The following MAPK15 variants were observed in gnomAD, a reference collection of about 807,000 sequenced individuals.
MAPK15 encodes the protein mitogen-activated protein kinase 15.
Under a neutral mutation model 60.8 loss-of-function variants are expected in MAPK15, and 61 were observed. That is an observed-to-expected ratio of 1.00 (90% CI 0.82 to 1.24). The LOEUF is 1.24. MAPK15 is among the 50% of genes most tolerant of loss of function. The probability of loss-of-function intolerance (pLI) is 0.00; values close to 1 mark genes in which losing one functional copy is unlikely to be tolerated. For missense variants in MAPK15, 808 were observed against 741.1 expected (o/e 1.09, Z -1.05); for synonymous variants, 356 against 319.9 (o/e 1.11, Z -1.21).
chr8:143,716,476 G>C, intron 1 of MAPK15, 33 bp downstream of exon 1: 1 of 1,587,550 alleles, frequency 6.3e-7, no homozygotes, highest in Non-Finnish European at 8.6e-7. Flanking sequence ...GCGCGCCGAG[G>C]GGCGCGGCAG....
At position 143,721,272 on chromosome 8, in the gene MAPK15, GAA is replaced by G. The variant is rs781876029; in HGVS notation, c.1066_1067del (p.Lys356GlyfsTer24). 1 of 1,613,306 alleles carries G rather than the reference GAA, an allele frequency of 6.2e-7. No individual in the cohort carries two copies. The highest frequency in any genetic ancestry group is 8.5e-7 in the Non-Finnish European group (1 of 1,179,830). ...CGGSSGTSRE[K>X]GPEGVSPSQA... is the part of the protein sequence containing the mutation. ...GAGGCAGCAGCGGCACCTCGAGAGAGAAGGGCCCGGAGGGTGTCTCCCCAAGC... is the reference window on the plus strand; with the variant it reads ...GAGGCAGCAGCGGCACCTCGAGAGAGGGGCCCGGAGGGTGTCTCCCCAAGC... On this transcript the variant is annotated frameshift_variant, in exon 11 of 14. Coordinates refer to ENST00000338033, the MANE Select transcript of MAPK15 (RefSeq NM_139021.3). LOFTEE classifies it high-confidence loss of function.
chr8:143,717,878 C>T (rs1554618711), intron 2 of MAPK15, 86 bp downstream of exon 2: 1 of 1,508,540 alleles, frequency 6.6e-7, no homozygotes, highest in African/African-American at 1.4e-5. Context: ...CAGGTGGGAG[C>T]TGGAGCCCAG....
chr8:143,718,706 CT>C (rs1554618954), intron 4 of MAPK15, 68 bp from the exon 5 acceptor site: 1 of 1,285,200 alleles, frequency 7.8e-7, no homozygotes, highest in Admixed American at 2.2e-5. Flanking sequence ...CCAGGTGCCC[CT>C]CTCCCACTCC....
chr8:143,721,335 G>A lies in MAPK15; in HGVS notation c.1128G>A (p.Gln376=). The A allele has an allele frequency of 1.2e-6, 2 of 1,613,666 alleles. No individual in the cohort carries two copies. Among genetic ancestry groups the A allele is most frequent in the South Asian group, 2.2e-5 (2 of 91,082 alleles). Residue 376 remains glutamine (Q), a synonymous_variant, in exon 11 of 14, where the codon CAG becomes CAA. Coordinates refer to ENST00000338033, the MANE Select transcript of MAPK15 (RefSeq NM_139021.3). The part of the protein sequence containing the change: ...AHLHKPRADP[Q]LPSRTPVQGP... Reference sequence around the variant, plus strand: ...TGCACAAACCCAGAGCCGACCCTCAGCTGCCTTCTAGGACACCTGTGCAGG... The same window carrying A: ...TGCACAAACCCAGAGCCGACCCTCAACTGCCTTCTAGGACACCTGTGCAGG...
chr8:143,719,691 C>T (rs1432529474), intron 7 of MAPK15, among the ~76,000 whole-genome samples: 3 of 152,092 alleles, frequency 2.0e-5, no homozygotes, highest in Non-Finnish European at 2.9e-5. Context: ...CAAGGCAGCA[C>T]CTGGCACAGT....
In MAPK15 at chr8:143,722,221, C is replaced by A. The variant is rs1554620218; in HGVS notation, c.1605C>A (p.His535Gln). 1.3e-6 allele frequency: 2 copies of A among 1,597,968 alleles called. No individual in the cohort carries two copies. Among genetic ancestry groups the A allele is most frequent in the South Asian group, 1.1e-5 (1 of 89,716 alleles). The part of the protein sequence containing the change: ...YGTVCHSALG[H>Q]LPLLEGHHV ...CTGTCTGCCACTCGGCACTGGGCCA[C>A]CTGCCCCTGCTGGAGGGGCACCATG... The change falls in exon 14 of 14, where the codon CAC becomes CAA. Residue 535 changes from histidine (H) to glutamine (Q), a missense_variant. Physicochemically the swap from His to Gln is conservative, Grantham distance 24. Coordinates refer to ENST00000338033, the MANE Select transcript of MAPK15 (RefSeq NM_139021.3).
intron 4 of MAPK15, 83 bp from the exon 5 acceptor site, chr8:143,718,692 C>T (rs1268704616): frequency 2.3e-6 from 3 of 1,296,406 alleles, no homozygotes; most frequent in African/African-American, 1.5e-5. Flanking sequence ...GTGGGACAGA[C>T]CTGCCAGGTG....
rs782526771 is a variant in MAPK15 at position 143,719,469 on chromosome 8, G to A, written c.708G>A (p.Pro236=). Residue 236 remains proline (P), a synonymous_variant, in exon 7 of 14, where the codon CCG becomes CCA. Coordinates refer to ENST00000338033, the MANE Select transcript of MAPK15 (RefSeq NM_139021.3). ...AGCTGATCCTGGAGACCATCCCACC[G>A]CCATCTGAGGAGGGTGAGCCAGGCT... ...QLELILETIP[P]PSEEDLLALG... is the part of the protein sequence containing the mutation. The A allele has an allele frequency of 2.9e-5, 46 of 1,607,366 alleles. No individual in the cohort carries two copies. In the Middle Eastern group the frequency reaches 9.5e-4, roughly 33 times the overall value.
rs782745530 is a variant in MAPK15 at position 143,718,790 on chromosome 8, C to T, written c.302C>T (p.Ala101Val). ...VFEFMDTDLN[A>V]VIRKGGLLQD... Reference sequence around the variant, plus strand: ...CTCTCTGCAGACACTGACCTGAACGCAGTCATCCGGAAGGGCGGCCTGCTG... The same window carrying T: ...CTCTCTGCAGACACTGACCTGAACGTAGTCATCCGGAAGGGCGGCCTGCTG... The change falls in exon 5 of 14, where the codon GCA becomes GTA. Residue 101 changes from alanine to valine, a missense_variant. Transcript: ENST00000338033. 2 of 1,606,572 alleles carry T rather than the reference C, an allele frequency of 1.2e-6. No individual in the cohort carries two copies. The highest frequency in any genetic ancestry group is 3.4e-5 in the Admixed American group (2 of 59,532).
rs1554618832 is a variant in MAPK15, at chr8:143,718,308, T to G, written c.286+6T>G. On this transcript the variant is annotated splice_donor_region_variant and intron_variant, in intron 4 of 13. Coordinates refer to ENST00000338033, the MANE Select transcript of MAPK15 (RefSeq NM_139021.3). ...CCTGGTGTTTGAGTTTATGGGTGAG[T>G]GAGGCCCCGGCCAGCGCCCCAGCCC... is the stretch of plus-strand genomic sequence containing the variant. The G allele has an allele frequency of 2.5e-6, 4 of 1,613,440 alleles. No homozygotes were observed. The highest frequency in any genetic ancestry group is 4.5e-5 in the East Asian group (2 of 44,874).
At chr8:143,717,609 AG>A in intron 1 of MAPK15, 84 bp from the exon 2 acceptor site, 1 of 1,177,636 alleles carries the variant, frequency 8.5e-7, no homozygotes, top group Non-Finnish European at 1.2e-6. Flanking sequence ...GATGGGAAGG[AG>A]GAGCCTCATG....
Position 143,717,187 on chromosome 8 carries a change from C to A in MAPK15, c.67-507C>A, listed in dbSNP as rs1206899425. ...GCTGGTGTCACTTTACAAGGCCCACCCCTGTGCTGAGGACCTACCGTGGGT... is the reference window on the plus strand; with the variant it reads ...GCTGGTGTCACTTTACAAGGCCCACACCTGTGCTGAGGACCTACCGTGGGT... On this transcript the variant is annotated intron_variant, in intron 1 of 13. Coordinates refer to ENST00000338033, the MANE Select transcript of MAPK15 (RefSeq NM_139021.3). Among the ~76,000 whole-genome samples, 3 of 151,946 alleles carry A rather than the reference C, an allele frequency of 2.0e-5. No individual in the cohort carries two copies. The East Asian group carries it at 5.8e-4, about 29-fold the overall frequency.
chr8:143,721,069 GCTCT>G lies in MAPK15; in HGVS notation c.990_993del (p.Ser331CysfsTer11). 2 of 1,612,078 alleles carry G rather than the reference GCTCT, an allele frequency of 1.2e-6. No individual in the cohort carries two copies. ...GGCCCCGGGCACACGAAGGGGTCCA[GCTCT>G]CTGTGCCTGAGTACCGCAGCCGCGT... On this transcript the variant is annotated frameshift_variant, in exon 10 of 14. Coordinates refer to ENST00000338033, the MANE Select transcript of MAPK15 (RefSeq NM_139021.3). LOFTEE classifies it high-confidence loss of function.
chr8:143,720,143 G>A lies in MAPK15; in HGVS notation c.722-87G>A. Reference sequence around the variant, plus strand: ...CCTGTAGAGAGGCTGTGCTCCCTGGGGCTGGAAGAGATGACTGGCCCCAGA... The same window carrying A: ...CCTGTAGAGAGGCTGTGCTCCCTGGAGCTGGAAGAGATGACTGGCCCCAGA... On this transcript the variant is annotated intron_variant, in intron 7 of 13. Coordinates refer to ENST00000338033, the MANE Select transcript of MAPK15 (RefSeq NM_139021.3). This position sits in a 1 kb window ranked among gnomAD's most constrained non-coding sequence, Gnocchi z 4.6. 3 of 1,524,056 alleles carry A rather than the reference G, an allele frequency of 2.0e-6. No individual in the cohort carries two copies. The highest frequency in any genetic ancestry group is 2.6e-6 in the Non-Finnish European group (3 of 1,135,702). 94.4% of individuals were successfully genotyped at this position (1,524,056 alleles called of 1,614,324 possible). A position where few individuals can be genotyped will look rare whatever the true frequency, so the allele number is the denominator to read the frequency against.
intron 4 of MAPK15, 54 bp downstream of exon 4, chr8:143,718,356 C>T (rs868911751): frequency 2.0e-5 from 31 of 1,532,812 alleles, no homozygotes; most frequent in Middle Eastern, 3.4e-4. Flanking sequence ...GTCCTGACGC[C>T]GTCTGCGGGT....
rs375622398 is a variant in MAPK15, at chr8:143,718,807, G to A, written c.319G>A (p.Gly107Ser). The A allele has an allele frequency of 5.3e-5, 85 of 1,611,160 alleles. No homozygotes were observed. The highest frequency in any genetic ancestry group is 1.3e-4 in the East Asian group (6 of 44,746). The change falls in exon 5 of 14, where the codon GGC (glycine) becomes AGC (serine). Residue 107 changes from glycine (G) to serine (S), a missense_variant. Transcript: ENST00000338033. Reference protein sequence around the residue: ...TDLNAVIRKGGLLQDVHVRSI... With the variant: ...TDLNAVIRKGSLLQDVHVRSI... ...CCTGAACGCAGTCATCCGGAAGGGCGGCCTGCTGCAGGACGTCCACGTGCG... is the reference window on the plus strand; with the variant it reads ...CCTGAACGCAGTCATCCGGAAGGGCAGCCTGCTGCAGGACGTCCACGTGCG...
intron 1 of MAPK15, 95 bp from the exon 2 acceptor site, chr8:143,717,599 G>A: frequency 1.8e-6 from 2 of 1,086,322 alleles, no homozygotes; most frequent in Non-Finnish European, 2.7e-6. Context: ...CGGGACCCAG[G>A]ATGGGAAGGA....
In MAPK15 at chr8:143,720,954, G is replaced by C. The variant is rs935646613; in HGVS notation, c.918-46G>C. 3 of 1,582,066 alleles carry C rather than the reference G, an allele frequency of 1.9e-6. No individual in the cohort carries two copies. The Admixed American group carries it at 5.2e-5, about 27-fold the overall frequency. ...GGACCCTGCTGTGACGGCTTGAGGG[G>C]CTCCCTTGGCCGCAGCCCGGGCCCC... On this transcript the variant is annotated intron_variant, in intron 9 of 13. Transcript: ENST00000338033. The surrounding 1 kb of genome is among the most constrained non-coding windows in gnomAD (Gnocchi z 4.6).
intron 4 of MAPK15, 48 bp from the exon 5 acceptor site, chr8:143,718,727 G>GGGGCC: frequency 1.9e-6 from 1 of 514,512 alleles, no homozygotes; most frequent in Non-Finnish European, 3.2e-6. Flanking sequence ...CCCCCAGGTT[G>GGGGCC]CCCCCCCAGC....
Sources: allele counts gnomAD v4.1 joint callset (sites outside exome capture counted in the v4.1 genomes callset), GRCh38; gene constraint gnomAD v4.1.1; non-coding constraint Gnocchi (gnomAD v3.1); transcripts MANE v1.5; gene names NCBI Gene and HGNC (gene_info 2026-07-23, HGNC 2026-07-21).